Variants in PTPN12 observed in about 807,000 individuals in gnomAD.
PTPN12 encodes tyrosine-protein phosphatase non-receptor type 12.
In PTPN12, 29 loss-of-function variants were observed where a neutral mutation model predicts 97.6. That is an observed-to-expected ratio of 0.30 (90% CI 0.22 to 0.41). The LOEUF is 0.41. Ranked by LOEUF, PTPN12 falls within the 10% of genes least tolerant of loss-of-function variation. The pLI is 1.00. For missense variants in PTPN12, 819 were observed against 926.0 expected, an observed-to-expected ratio of 0.88 and a Z score of 1.50; for synonymous variants, 327 against 300.4, an observed-to-expected ratio of 1.09 and a Z score of -0.91.
rs772638060 is a variant in PTPN12 at position 77,537,618 on chromosome 7, G to A, written c.72G>A (p.Gly24=). The change falls in exon 1 of 18, where the codon GGG becomes GGA. Residue 24 remains glycine (G), a synonymous_variant. Coordinates refer to ENST00000248594, the MANE Select transcript of PTPN12 (RefSeq NM_002835.4). The part of the protein sequence containing the change: ...VQAMKSPDHN[G]EDNFARDFMR... ...CCATGAAGAGTCCTGACCACAATGG[G>A]GAGGACAACTTCGCCCGGGACTTCA... The A allele has an allele frequency of 1.2e-6, 2 of 1,603,342 alleles. No homozygotes were observed. Among genetic ancestry groups the A allele is most frequent in the Middle Eastern group, 1.7e-4 (1 of 6,018 alleles).
At chr7:77,555,153 T>TTA (rs1450831544) in intron 1 of PTPN12, among the ~76,000 whole-genome samples, 2 of 152,126 alleles carry the variant, frequency 1.3e-5, no homozygotes, top group African/African-American at 4.8e-5. Context: ...GTAATTCTTA[T>TTA]TATACTTGCT....
chr7:77,617,991 G>C (rs151001228), intron 11 of PTPN12, among the ~76,000 whole-genome samples: 188 of 152,242 alleles, frequency 1.2e-3, no homozygotes, highest in African/African-American at 4.3e-3. Context: ...GTGAGAGTGA[G>C]GCAAGAAATG....
intron 9 of PTPN12, among the ~76,000 whole-genome samples, chr7:77,609,641 G>C (rs1316908757): frequency 6.6e-6 from 1 of 151,942 alleles, no homozygotes; most frequent in East Asian, 2.0e-4. Flanking sequence ...AGCACTTCGG[G>C]AAGCCGAGGC....
chr7:77,555,710 C>T (rs1024852054), intron 1 of PTPN12, among the ~76,000 whole-genome samples: 18 of 152,058 alleles, frequency 1.2e-4, no homozygotes, highest in African/African-American at 4.1e-4. Flanking sequence ...GTCATGAGAT[C>T]GAGACCATCC....
intron 2 of PTPN12, among the ~76,000 whole-genome samples, chr7:77,575,175 C>G (rs1034852464): frequency 6.6e-6 from 1 of 152,018 alleles, no homozygotes; most frequent in Non-Finnish European, 1.5e-5. Flanking sequence ...GAGATATGTG[C>G]TTATTTACTG....
intron 1 of PTPN12, among the ~76,000 whole-genome samples, chr7:77,562,936 T>C (rs1393823790): frequency 6.8e-6 from 1 of 147,118 alleles, no homozygotes; most frequent in Non-Finnish European, 1.5e-5. Context: ...AAAAAAATCA[T>C]TTGCTTATTG....
At chr7:77,557,353 G>A (rs954433106) in intron 1 of PTPN12, among the ~76,000 whole-genome samples, 2 of 152,120 alleles carry the variant, frequency 1.3e-5, no homozygotes, top group Non-Finnish European at 2.9e-5. Context: ...ATGGAAGTTT[G>A]CTGTGTGAGT....
intron 2 of PTPN12, among the ~76,000 whole-genome samples, chr7:77,575,829 A>G (rs934098229): frequency 6.6e-6 from 1 of 152,078 alleles, no homozygotes; most frequent in African/African-American, 2.4e-5. Context: ...ATCATACAAT[A>G]TATAGTCTTT....
rs745415476 is a variant in PTPN12, at chr7:77,637,071, T to TC, written c.2173+25dup. The TC allele has an allele frequency of 1.3e-5, 21 of 1,568,916 alleles. No homozygotes were observed. In the African/African-American group the frequency reaches 2.4e-4, roughly 18 times the overall value. Reference sequence around the variant, plus strand: ...GTGGTAAGTTGTTAGATTTTTTTTTTCCTTTTTACTGTAGATTTTATTGAT... The same window carrying TC: ...GTGGTAAGTTGTTAGATTTTTTTTTTCCCTTTTTACTGTAGATTTTATTGAT... On this transcript the variant is annotated intron_variant, in intron 16 of 17. Transcript: ENST00000248594.
At chr7:77,598,742 C>G (rs1788098256) in intron 7 of PTPN12, among the ~76,000 whole-genome samples, 1 of 151,320 alleles carries the variant, frequency 6.6e-6, no homozygotes, top group African/African-American at 2.4e-5. Context: ...ATACTACTAC[C>G]TAAATGTTTT....
chr7:77,551,607 A>T (rs1807482635), intron 1 of PTPN12, among the ~76,000 whole-genome samples: 1 of 152,190 alleles, frequency 6.6e-6, no homozygotes, highest in Admixed American at 6.5e-5. Flanking sequence ...CTTCAACATC[A>T]CGTTGTCCTT....
chr7:77,566,345 A>G (rs1019028785), intron 1 of PTPN12, among the ~76,000 whole-genome samples: 1 of 152,216 alleles, frequency 6.6e-6, no homozygotes, highest in African/African-American at 2.4e-5. Flanking sequence ...TAAATGTGGG[A>G]GTAAAATGGT....
At chr7:77,564,739 TTGTCGTG>T in intron 1 of PTPN12, among the ~76,000 whole-genome samples, 1 of 140,132 alleles carries the variant, frequency 7.1e-6, no homozygotes, top group African/African-American at 2.7e-5. Context: ...TTGTTTTTTG[TTGTCGTG>T]TTTTTTTTTT....
chr7:77,619,792 T>C (rs1273211936), intron 12 of PTPN12, among the ~76,000 whole-genome samples: 2 of 152,214 alleles, frequency 1.3e-5, no homozygotes, highest in African/African-American at 2.4e-5. Context: ...GTGGTAGTTA[T>C]AGTCTCTAGA....
At chr7:77,564,810 T>C (rs1385163572) in intron 1 of PTPN12, among the ~76,000 whole-genome samples, 1 of 128,640 alleles carries the variant, frequency 7.8e-6, no homozygotes, top group Non-Finnish European at 1.6e-5. Context: ...CAGGCTGGAG[T>C]GCAGTGGCAC....
At chr7:77,627,989 A>AGAAATAATTTAGG (rs1374328445) in intron 13 of PTPN12, among the ~76,000 whole-genome samples, 2 of 152,058 alleles carry the variant, frequency 1.3e-5, no homozygotes, top group Non-Finnish European at 2.9e-5. Context: ...CTGAATAATT[A>AGAAATAATTTAGG]GAAATAATTT....
chr7:77,564,759 T>G (rs1168294853), intron 1 of PTPN12, among the ~76,000 whole-genome samples: 9 of 99,124 alleles, frequency 9.1e-5, no homozygotes, highest in African/African-American at 3.4e-4. Context: ...TTTTTTTTTT[T>G]TTTTTTTTTT....
rs1428559535 is a variant in PTPN12 at position 77,607,310 on chromosome 7, A to C, written c.762+9A>C. Reference sequence around the variant, plus strand: ...ATTTACTAAAAGCTGGGGTAAGAATAATTTTTTGTAGCATTATGTTCAATT... The same window carrying C: ...ATTTACTAAAAGCTGGGGTAAGAATCATTTTTTGTAGCATTATGTTCAATT... On this transcript the variant is annotated intron_variant, in intron 9 of 17. Coordinates refer to ENST00000248594, the MANE Select transcript of PTPN12 (RefSeq NM_002835.4). 1 of 1,583,502 alleles carries C rather than the reference A, an allele frequency of 6.3e-7. No homozygotes were observed. Among genetic ancestry groups the C allele is most frequent in the Admixed American group, 1.7e-5 (1 of 59,758 alleles).
chr7:77,543,234 T>A (rs1807065081), intron 1 of PTPN12, among the ~76,000 whole-genome samples: 3 of 149,048 alleles, frequency 2.0e-5, no homozygotes, highest in African/African-American at 5.0e-5. Context: ...GAAGCTAGAT[T>A]ATAGGGTGAA....
Sources: gnomAD v4.1 joint callset for allele counts (sites outside exome capture counted in the v4.1 genomes callset) on GRCh38, gnomAD v4.1.1 for gene constraint, MANE v1.5 for transcripts, NCBI Gene and HGNC (gene_info 2026-07-23, HGNC 2026-07-21) for gene names.